ZC3H12B: variants seen among roughly 807,000 people sequenced by gnomAD.
The protein encoded by ZC3H12B is probable ribonuclease ZC3H12B.
In ZC3H12B, 7 loss-of-function variants were observed where a neutral mutation model predicts 43.9. The ratio of observed to expected loss-of-function variants is 0.16; its 90% CI spans 0.09 to 0.30. The LOEUF (loss-of-function observed/expected upper bound fraction) is 0.30, where lower values mean the gene tolerates loss of function less well. Ranked by LOEUF, ZC3H12B falls within the 10% of genes least tolerant of loss-of-function variation. The pLI is 1.00. For synonymous variants in ZC3H12B, 222 were observed against 241.7 expected (o/e 0.92, Z 0.76); for missense variants, 475 against 670.2 (o/e 0.71, Z 3.22).
the ZC3H12B span, among the ~76,000 whole-genome samples, chrX:65,295,409 T>A: frequency 9.0e-6 from 1 of 111,137 alleles, no homozygotes; most frequent in South Asian, 3.7e-4. Context: ...GGAAAAGCAG[T>A]GCTAAGAGGA....
chrX:65,152,764 C>G, the ZC3H12B span, among the ~76,000 whole-genome samples: 4 of 111,560 alleles, frequency 3.6e-5, no homozygotes, highest in African/African-American at 1.3e-4. Context: ...AAAAAGAGCC[C>G]GCATTGCCAA....
In ZC3H12B at chrX:65,408,701, C is replaced by G. The variant is rs955607722; in HGVS notation, n.407+9997C>G. 34 of 804,297 alleles carry G rather than the reference C, an allele frequency of 4.2e-5. No homozygotes were observed. In the African/African-American group the frequency reaches 6.0e-4, roughly 14 times the overall value. 66.3% of individuals were successfully genotyped at this position (804,297 alleles called of 1,213,427 possible). A position where few individuals can be genotyped will look rare whatever the true frequency, so the allele number is the denominator to read the frequency against. On this transcript the variant is annotated intron_variant and non_coding_transcript_variant, in intron 3 of 5. Transcript: ENST00000617377. Reference sequence around the variant, plus strand: ...GCCAGATTAGGACTTTGTCCTCATACTCTTACAGTGCTGCAAAGTTGTGTG... The same window carrying G: ...GCCAGATTAGGACTTTGTCCTCATAGTCTTACAGTGCTGCAAAGTTGTGTG...
the ZC3H12B span, among the ~76,000 whole-genome samples, chrX:65,253,816 C>G: frequency 3.6e-5 from 4 of 112,226 alleles, no homozygotes; most frequent in African/African-American, 1.3e-4. Flanking sequence ...ACACTGGCAT[C>G]TTTCTCCCAC....
At chrX:65,419,462 G>A (rs777253600) in intron 3 of ZC3H12B, among the ~76,000 whole-genome samples, 7 of 111,895 alleles carry the variant, frequency 6.3e-5, no homozygotes, top group Non-Finnish European at 1.1e-4. Context: ...AAGAAACATG[G>A]TAAGTCTAGG....
chrX:65,178,346 C>T, the ZC3H12B span, among the ~76,000 whole-genome samples: 154 of 111,549 alleles, frequency 1.4e-3, 1 homozygote, highest in African/African-American at 4.9e-3. Context: ...TCAGGACATA[C>T]GTATGGGCAA....
chrX:65,099,130 G>A, the ZC3H12B span, among the ~76,000 whole-genome samples: 2 of 111,763 alleles, frequency 1.8e-5, no homozygotes, highest in Admixed American at 1.9e-4. Flanking sequence ...ACACAGTGAG[G>A]CAAAGCGACT....
At chrX:65,118,751 T>A in the ZC3H12B span, among the ~76,000 whole-genome samples, 1 of 108,264 alleles carries the variant, frequency 9.2e-6, no homozygotes, top group Non-Finnish European at 1.9e-5. Context: ...GCTGCACCCA[T>A]TAACTTCTCA....
At chrX:65,392,820 G>A (rs1289517747) in intron 2 of ZC3H12B, among the ~76,000 whole-genome samples, 1 of 113,092 alleles carries the variant, frequency 8.8e-6, no homozygotes, top group East Asian at 2.8e-4. Context: ...GAAATGTGGG[G>A]AAAAGAAAGA....
At chrX:65,446,189 C>T (rs2067373879) in intron 3 of ZC3H12B, among the ~76,000 whole-genome samples, 2 of 111,796 alleles carry the variant, frequency 1.8e-5, no homozygotes, top group African/African-American at 6.5e-5. Context: ...CTGCTTGGTG[C>T]TTTATTTTAC....
At position 65,422,925 on chromosome X, in the gene ZC3H12B, C is replaced by CTTTTTTTT. The variant is rs34567013; in HGVS notation, n.407+24239_407+24246dup. Among the ~76,000 whole-genome samples, 122 of 46,175 alleles carry CTTTTTTTT rather than the reference C, an allele frequency of 2.6e-3. 1 individual carries two copies. Among genetic ancestry groups the CTTTTTTTT allele is most frequent in the African/African-American group, 7.3e-3 (69 of 9,414 alleles). 40.1% of individuals were successfully genotyped at this position (46,175 alleles called of 115,157 possible). A position where few individuals can be genotyped will look rare whatever the true frequency, so the allele number is the denominator to read the frequency against. On this transcript the variant is annotated intron_variant and non_coding_transcript_variant, in intron 3 of 5. Transcript: ENST00000617377. ...ATAAGTGCCACATTTTCTTTCTTTG[C>CTTTTTTTT]TTTTTTTTTTTTTTTTTTTTTTTTT... is the stretch of plus-strand genomic sequence containing the variant.
At chrX:65,186,880 C>T in the ZC3H12B span, among the ~76,000 whole-genome samples, 1 of 112,046 alleles carries the variant, frequency 8.9e-6, no homozygotes, top group Non-Finnish European at 1.9e-5. Flanking sequence ...CTTTATATTG[C>T]TGAGTAGTAT....
chrX:65,175,949 CA>C, the ZC3H12B span, among the ~76,000 whole-genome samples: 1 of 111,798 alleles, frequency 8.9e-6, no homozygotes, highest in Non-Finnish European at 1.9e-5. Context: ...GTTTCAAGCA[CA>C]AAAGTGGGTG....
At chrX:65,125,690 T>A in the ZC3H12B span, among the ~76,000 whole-genome samples, 1 of 111,364 alleles carries the variant, frequency 9.0e-6, no homozygotes, top group Non-Finnish European at 1.9e-5. Context: ...AGAATTTTTC[T>A]GTTGGATGAG....
the ZC3H12B span, among the ~76,000 whole-genome samples, chrX:65,262,276 G>A: frequency 3.4e-4 from 38 of 110,815 alleles, no homozygotes; most frequent in African/African-American, 1.2e-3. Flanking sequence ...GATCTTAATT[G>A]GTATTAAGTT....
the ZC3H12B span, among the ~76,000 whole-genome samples, chrX:65,206,771 G>T: frequency 9.0e-6 from 1 of 111,332 alleles, no homozygotes; most frequent in Non-Finnish European, 1.9e-5. Flanking sequence ...ATCTGACAAA[G>T]GACTAATATC....
chrX:65,291,048 A>T, the ZC3H12B span, among the ~76,000 whole-genome samples: 1 of 111,591 alleles, frequency 9.0e-6, no homozygotes, highest in Non-Finnish European at 1.9e-5. Flanking sequence ...ATTCTTATGT[A>T]GTCTCTGAAT....
At chrX:65,400,414 C>A (rs746997948) in intron 3 of ZC3H12B, among the ~76,000 whole-genome samples, 1 of 111,280 alleles carries the variant, frequency 9.0e-6, no homozygotes, top group East Asian at 2.8e-4. Context: ...ACTCTGGAAT[C>A]TCTTAAGGGA....
the ZC3H12B span, among the ~76,000 whole-genome samples, chrX:65,117,556 T>C: frequency 8.9e-6 from 1 of 112,037 alleles, no homozygotes; most frequent in Non-Finnish European, 1.9e-5. Context: ...GCAGAAGCTC[T>C]TTAGTTTAAT....
the ZC3H12B span, among the ~76,000 whole-genome samples, chrX:65,300,309 A>G: frequency 4.9e-3 from 542 of 111,750 alleles, 1 homozygote; most frequent in African/African-American, 0.017. Context: ...CTGGATATAA[A>G]CTTGGTGCTG....
Sources: gnomAD v4.1 joint callset for allele counts (sites outside exome capture counted in the v4.1 genomes callset) on GRCh38, gnomAD v4.1.1 for gene constraint, MANE v1.5 for transcripts, NCBI Gene and HGNC (gene_info 2026-07-23, HGNC 2026-07-21) for gene names.